The following ADAMTSL2 variants were observed in gnomAD, a reference collection of about 807,000 sequenced individuals.
ADAMTSL2 encodes the protein ADAMTS like 2.
A neutral mutation model predicts 117.0 loss-of-function variants in ADAMTSL2; 55 were observed. That is an observed-to-expected ratio of 0.47 (90% CI 0.38 to 0.59). ADAMTSL2 has a LOEUF of 0.59. Among genes scored for constraint, ADAMTSL2 ranks in the 20% least tolerant of loss-of-function variants. The pLI is 0.00. For synonymous variants in ADAMTSL2, 572 were observed against 566.4 expected (o/e 1.01, Z -0.14); for missense variants, 1,182 against 1,354.5 (o/e 0.87, Z 2.00).
chr9:133,554,431 C>G lies in ADAMTSL2; in HGVS notation c.1014C>G (p.Arg338=). The change falls in exon 10 of 19, where the codon CGC becomes CGG. Residue 338 remains arginine (R), a synonymous_variant. Transcript: ENST00000651351. This position sits in a 1 kb window ranked among gnomAD's most constrained non-coding sequence, Gnocchi z 5.2. ...YTLLQPPHES[R]PQPIYYGFSE... is the part of the protein sequence containing the mutation. ...TGCTGCAGCCGCCACACGAGAGCCG[C>G]CCCCAGCCCATCTACTATGGCTTCT... 1 of 1,564,736 alleles carries G rather than the reference C, an allele frequency of 6.4e-7. No homozygotes were observed.
At chr9:133,550,292 C>T (rs1177390524) in intron 9 of ADAMTSL2, among the ~76,000 whole-genome samples, 1 of 152,196 alleles carries the variant, frequency 6.6e-6, no homozygotes, top group Non-Finnish European at 1.5e-5. Context: ...TGGGAGATGC[C>T]CCATCCTCAC....
At chr9:133,533,162 CCT>C (rs1491285338), upstream of ADAMTSL2, among the ~76,000 whole-genome samples, 2 of 98,244 alleles carry the variant, frequency 2.0e-5, no homozygotes, top group Non-Finnish European at 4.3e-5. Flanking sequence ...TGTGTGTGTG[CCT>C]GTGTGTGTGT....
chr9:133,540,366 G>A lies in ADAMTSL2; in HGVS notation c.413-232G>A, dbSNP rs140694606. Among the ~76,000 whole-genome samples the A allele has an allele frequency of 2.6e-3, 397 of 152,338 alleles. 3 individuals are homozygous for A. Among genetic ancestry groups the A allele is most frequent in the African/African-American group, 9.1e-3 (378 of 41,572 alleles). On this transcript the variant is annotated intron_variant, in intron 5 of 18. Transcript: ENST00000651351. Reference sequence around the variant, plus strand: ...GGGGGAACCCCAGTATGGGTCTCAGGCGCTGCTCCCCACTCACGAGGAGGT... The same window carrying A: ...GGGGGAACCCCAGTATGGGTCTCAGACGCTGCTCCCCACTCACGAGGAGGT...
chr9:133,565,742 A>G (rs10119780), intron 12 of ADAMTSL2, among the ~76,000 whole-genome samples: 29,846 of 152,116 alleles, frequency 0.2, 3,235 homozygotes, highest in African/African-American at 0.27. Context: ...TTCTCTGGAT[A>G]TGGGGAAACC....
At chr9:133,541,242 G>A (rs1210714659) in intron 7 of ADAMTSL2, among the ~76,000 whole-genome samples, 2 of 152,130 alleles carry the variant, frequency 1.3e-5, no homozygotes, top group Non-Finnish European at 2.9e-5. Context: ...TTGGCTTGGG[G>A]GTCACATTTG....
intron 9 of ADAMTSL2, among the ~76,000 whole-genome samples, chr9:133,552,724 A>C (rs1329689990): frequency 2.0e-5 from 3 of 152,210 alleles, no homozygotes; most frequent in Non-Finnish European, 4.4e-5. Context: ...TGCAGCACCC[A>C]TCCAGACTCG....
intron 15 of ADAMTSL2, 81 bp downstream of exon 15, chr9:133,568,839 A>AT (rs1831038695): frequency 1.9e-6 from 3 of 1,588,226 alleles, no homozygotes; most frequent in Non-Finnish European, 2.6e-6. Context: ...CTCAGTTTCC[A>AT]TTTTTTTCCG....
chr9:133,541,735 C>T (rs11516158), intron 7 of ADAMTSL2, among the ~76,000 whole-genome samples: 26,854 of 152,206 alleles, frequency 0.18, 2,596 homozygotes, highest in Non-Finnish European at 0.21. Flanking sequence ...AGAACCCCTC[C>T]TTCCCTTGGG....
In ADAMTSL2 at chr9:133,540,564, G is replaced by A. The variant is rs373873070; in HGVS notation, c.413-34G>A. On this transcript the variant is annotated intron_variant, in intron 5 of 18. Coordinates refer to ENST00000651351, the MANE Select transcript of ADAMTSL2 (RefSeq NM_014694.4). ...CTCTGAATCCGGCATTTCCTGCCCC[G>A]CTGAAACCTTCTGTCTTTGTCTCCC... The A allele has an allele frequency of 4.4e-4, 715 of 1,611,080 alleles. 1 individual carries two copies. The highest frequency in any genetic ancestry group is 1.1e-3 in the Admixed American group (65 of 59,780).
intron 9 of ADAMTSL2, among the ~76,000 whole-genome samples, chr9:133,551,812 C>CTTTT (rs56225051): frequency 1.2e-4 from 13 of 111,090 alleles, no homozygotes; most frequent in African/African-American, 4.2e-4. Context: ...AAAGCAGCAG[C>CTTTT]TTTTTTTTTT....
chr9:133,550,880 G>T (rs1424124728), intron 9 of ADAMTSL2, among the ~76,000 whole-genome samples: 1 of 152,128 alleles, frequency 6.6e-6, no homozygotes, highest in African/African-American at 2.4e-5. Flanking sequence ...GGTGTTTAGT[G>T]CCTCTCGCAT....
rs1244260892 is a variant in ADAMTSL2 at position 133,561,290 on chromosome 9, C to A, written c.1742C>A (p.Thr581Asn). 7 of 1,593,012 alleles carry A rather than the reference C, an allele frequency of 4.4e-6. No homozygotes were observed. The highest frequency in any genetic ancestry group is 1.3e-5 in the African/African-American group (1 of 74,778). ...SSHEPCSATCTTGVMSAYAMC... is the reference protein window; with the variant it reads ...SSHEPCSATCNTGVMSAYAMC... ...CACGAGCCCTGCAGTGCCACCTGCA[C>A]CACAGGTACTGGTCACGGGTGCCAA... The change falls in exon 12 of 19, where the codon ACC (threonine) becomes AAC (asparagine). Residue 581 changes from threonine to asparagine, a missense_variant. Around this residue, in one of 3 missense-constraint regions of ADAMTSL2, gnomAD observed 465 missense variants for 565.3 expected, o/e 0.82. Coordinates refer to ENST00000651351, the MANE Select transcript of ADAMTSL2 (RefSeq NM_014694.4).
At position 133,568,504 on chromosome 9, in the gene ADAMTSL2, C is replaced by T; in HGVS notation, c.2088+18C>T. 1 of 1,590,320 alleles carries T rather than the reference C, an allele frequency of 6.3e-7. No homozygotes were observed. The highest frequency in any genetic ancestry group is 8.6e-7 in the Non-Finnish European group (1 of 1,169,328). ...GGTCCGAGGTGAGTGCCTGCGGGAG[C>T]AAGCCGGGGGTCGGGAAGAGCTGGG... On this transcript the variant is annotated intron_variant, in intron 14 of 18. Transcript: ENST00000651351.
Position 133,574,908 on chromosome 9 carries a change from T to C in ADAMTSL2, c.*44T>C. 2 of 1,490,412 alleles carry C rather than the reference T, an allele frequency of 1.3e-6. No individual in the cohort carries two copies. The highest frequency in any genetic ancestry group is 1.9e-6 in the Non-Finnish European group (2 of 1,071,306). The allele number at this position is 1,490,412 out of a possible 1,614,324, so 92.3% of individuals were successfully genotyped here. A position where few individuals can be genotyped will look rare whatever the true frequency, so the allele number is the denominator to read the frequency against. The stretch of plus-strand genomic sequence containing the variant: ...CTTCCAGATGAAGACCAAGCGCCCC[T>C]CCTGGGGCTGCTGCAGCTTCTGGGG... On this transcript the variant is annotated 3_prime_UTR_variant, in exon 19 of 19. Coordinates refer to ENST00000651351, the MANE Select transcript of ADAMTSL2 (RefSeq NM_014694.4).
intron 5 of ADAMTSL2, among the ~76,000 whole-genome samples, chr9:133,540,270 G>T (rs192093965): frequency 4.6e-5 from 7 of 152,334 alleles, no homozygotes; most frequent in African/African-American, 1.7e-4. Flanking sequence ...CTGCTCACCC[G>T]CAAGGGCCAG....
At chr9:133,570,566 G>GCCCCT in intron 17 of ADAMTSL2, 59 bp downstream of exon 17, 2 of 1,543,842 alleles carry the variant, frequency 1.3e-6, no homozygotes, top group Non-Finnish European at 1.8e-6. Context: ...TGTCGATCCC[G>GCCCCT]CCCCTCCCGC....
intron 18 of ADAMTSL2, 142 bp downstream of exon 18, chr9:133,574,129 G>GCCCCCACTCCC: frequency 3.4e-6 from 4 of 1,170,764 alleles, no homozygotes; most frequent in Non-Finnish European, 4.8e-6. Flanking sequence ...TGTGCAGGGA[G>GCCCCCACTCCC]TGGGGGCTCC....
intron 13 of ADAMTSL2, among the ~76,000 whole-genome samples, chr9:133,567,353 C>T (rs1369948816): frequency 6.6e-6 from 1 of 152,240 alleles, no homozygotes; most frequent in African/African-American, 2.4e-5. Flanking sequence ...GTATCTTTGC[C>T]CCACCAGGCC....
rs1830623908 is a variant in ADAMTSL2 at position 133,557,284 on chromosome 9, G to A, written c.1649+1354G>A. On this transcript the variant is annotated intron_variant, in intron 11 of 18. Transcript: ENST00000651351. The surrounding 1 kb of genome is among the most constrained non-coding windows in gnomAD (Gnocchi z 5.2). The stretch of plus-strand genomic sequence containing the variant: ...GTTTTCTGAGGCCACCGAGGTGCCT[G>A]GGGCTGCGGGGTGCAGGGAGGATGT... Among the ~76,000 whole-genome samples, 1 of 152,204 alleles carries A rather than the reference G, an allele frequency of 6.6e-6. No homozygotes were observed. The highest frequency in any genetic ancestry group is 2.4e-5 in the African/African-American group (1 of 41,448).
Sources: allele counts gnomAD v4.1 joint callset (sites outside exome capture counted in the v4.1 genomes callset), GRCh38; gene constraint gnomAD v4.1.1; regional missense constraint gnomAD v4.1.1; non-coding constraint Gnocchi (gnomAD v3.1); transcripts MANE v1.5; gene names NCBI Gene and HGNC (gene_info 2026-07-23, HGNC 2026-07-21).